PRKG1: variants seen among roughly 807,000 people sequenced by gnomAD.
PRKG1 encodes the protein cGMP-dependent protein kinase 1.
A neutral mutation model predicts 88.1 loss-of-function variants in PRKG1; 35 were observed. The ratio of observed to expected loss-of-function variants is 0.40; its 90% confidence interval spans 0.30 to 0.53. The LOEUF is 0.53. Among genes scored for constraint, PRKG1 ranks in the 20% least tolerant of loss-of-function variants. The pLI is 0.59. For missense variants in PRKG1, 540 were observed against 839.8 expected, an observed-to-expected ratio of 0.64 and a Z score of 4.41; for synonymous variants, 303 against 292.5, an observed-to-expected ratio of 1.04 and a Z score of -0.37.
chr10:51,827,646 C>T (rs943951544), intron 4 of PRKG1, among the ~76,000 whole-genome samples: 6 of 152,082 alleles, frequency 3.9e-5, no homozygotes, highest in Admixed American at 2.6e-4. Flanking sequence ...TAAAAAGATA[C>T]ATCATGATGA....
chr10:52,073,792 C>A (rs149078248), intron 7 of PRKG1, among the ~76,000 whole-genome samples: 115 of 152,216 alleles, frequency 7.6e-4, no homozygotes, highest in African/African-American at 2.5e-3. Context: ...GAACTCATTA[C>A]AGGATTAATG....
chr10:51,327,065 A>G (rs572554381), intron 2 of PRKG1, among the ~76,000 whole-genome samples: 2 of 152,330 alleles, frequency 1.3e-5, no homozygotes, highest in South Asian at 4.1e-4. Context: ...GAACCTAAAA[A>G]ATATATAACC....
chr10:52,075,045 A>T (rs1846594524), intron 7 of PRKG1, among the ~76,000 whole-genome samples: 1 of 152,356 alleles, frequency 6.6e-6, no homozygotes, highest in South Asian at 2.1e-4. Context: ...TATTTCAGTA[A>T]TATTTAAAGG....
intron 3 of PRKG1, among the ~76,000 whole-genome samples, chr10:51,577,638 T>G (rs1410965319): frequency 6.6e-6 from 1 of 152,032 alleles, no homozygotes; most frequent in African/African-American, 2.4e-5. Context: ...ATCAGGTTTA[T>G]AAAATAAATA....
chr10:51,863,703 C>G (rs558233260), intron 4 of PRKG1, among the ~76,000 whole-genome samples: 5 of 152,292 alleles, frequency 3.3e-5, no homozygotes, highest in African/African-American at 1.2e-4. Context: ...AAGGCCCTCA[C>G]TAAATTTGGC....
At chr10:51,502,793 G>A (rs748513202) in intron 3 of PRKG1, among the ~76,000 whole-genome samples, 22 of 152,246 alleles carry the variant, frequency 1.4e-4, no homozygotes, top group Admixed American at 7.2e-4. Flanking sequence ...AGAGGTCAGC[G>A]TTGAATTATG....
chr10:51,025,536 TCTC>T (rs1843193420), intron 1 of PRKG1, among the ~76,000 whole-genome samples: 1 of 152,122 alleles, frequency 6.6e-6, no homozygotes, highest in Admixed American at 6.6e-5. Context: ...CAGGCACATT[TCTC>T]CTCCCATTGG....
Position 52,205,730 on chromosome 10 carries a change from A to G in PRKG1, c.1076+43767A>G, listed in dbSNP as rs150728960. On this transcript the variant is annotated intron_variant, in intron 9 of 17. Transcript: ENST00000373980. ...GAATTTCTTTTCTTTAAGAATGTTT[A>G]CTATAGGTAACCAGTGTCTTCTGAA... Among the ~76,000 whole-genome samples, 178 of 152,304 alleles carry G rather than the reference A, an allele frequency of 1.2e-3. 2 individuals carry two copies. The highest frequency in any genetic ancestry group is 4.2e-3 in the African/African-American group (175 of 41,570).
chr10:51,269,818 CT>C (rs1839930728), intron 2 of PRKG1, among the ~76,000 whole-genome samples: 1 of 152,134 alleles, frequency 6.6e-6, no homozygotes, highest in African/African-American at 2.4e-5. Context: ...CACTAATGAA[CT>C]TATCCATGTA....
intron 2 of PRKG1, among the ~76,000 whole-genome samples, chr10:51,344,955 A>G (rs1484691135): frequency 6.6e-6 from 1 of 152,204 alleles, no homozygotes; most frequent in Non-Finnish European, 1.5e-5. Context: ...GTAAATGTAT[A>G]TATACATACA....
intron 2 of PRKG1, among the ~76,000 whole-genome samples, chr10:51,353,920 T>A (rs1226402710): frequency 2.0e-5 from 3 of 152,004 alleles, no homozygotes; most frequent in African/African-American, 7.3e-5. Flanking sequence ...AAAGACAATG[T>A]GATATCTATA....
chr10:51,151,727 G>T (rs1846077571), intron 1 of PRKG1, among the ~76,000 whole-genome samples: 1 of 151,776 alleles, frequency 6.6e-6, no homozygotes, highest in Non-Finnish European at 1.5e-5. Flanking sequence ...TCCACTCTAG[G>T]ATTATTCTTC....
intron 5 of PRKG1, among the ~76,000 whole-genome samples, chr10:51,921,524 T>G (rs539276059): frequency 8.4e-4 from 128 of 152,234 alleles, no homozygotes; most frequent in African/African-American, 3.0e-3. Flanking sequence ...TTTCTCACTG[T>G]TAAGTATGTT....
At chr10:51,067,481 TA>T (rs1265025779) in intron 1 of PRKG1, among the ~76,000 whole-genome samples, 2 of 152,060 alleles carry the variant, frequency 1.3e-5, no homozygotes, top group Non-Finnish European at 2.9e-5. Context: ...CTAAGTTCTC[TA>T]TGTTCCTAAC....
Position 51,236,726 on chromosome 10 carries a change from G to A in PRKG1, c.478+83396G>A, listed in dbSNP as rs544828275. Among the ~76,000 whole-genome samples the A allele has an allele frequency of 4.6e-5, 7 of 152,014 alleles. No homozygotes were observed. In the East Asian group the frequency reaches 5.8e-4, roughly 13 times the overall value. On this transcript the variant is annotated intron_variant, in intron 2 of 17. Transcript: ENST00000373980. The stretch of plus-strand genomic sequence containing the variant: ...TCACCATATTGACCAGGCTGGTCTC[G>A]AACTCCTGACCTCATGATCCACCCA...
intron 7 of PRKG1, among the ~76,000 whole-genome samples, chr10:52,101,664 T>C (rs1847296587): frequency 6.6e-6 from 1 of 152,192 alleles, no homozygotes; most frequent in South Asian, 2.1e-4. Flanking sequence ...AGGTAGATGG[T>C]TATTTTATCA....
intron 5 of PRKG1, among the ~76,000 whole-genome samples, chr10:51,949,824 A>G (rs1021233775): frequency 6.6e-6 from 1 of 152,230 alleles, no homozygotes; most frequent in Non-Finnish European, 1.5e-5. Flanking sequence ...TCATCATGTC[A>G]GAGGGTGTCT....
chr10:52,091,498 C>T (rs1847055176), intron 7 of PRKG1, among the ~76,000 whole-genome samples: 1 of 152,154 alleles, frequency 6.6e-6, no homozygotes, highest in Non-Finnish European at 1.5e-5. Flanking sequence ...GAAATTCTGC[C>T]TACCACAATA....
At chr10:51,825,251 C>T (rs746616287) in intron 4 of PRKG1, among the ~76,000 whole-genome samples, 68 of 152,170 alleles carry the variant, frequency 4.5e-4, no homozygotes, top group Non-Finnish European at 9.3e-4. Context: ...TAATAGAGAC[C>T]AACTAAGTAT....
Sources: allele counts gnomAD v4.1 joint callset (sites outside exome capture counted in the v4.1 genomes callset), GRCh38; gene constraint gnomAD v4.1.1; transcripts MANE v1.5; gene names NCBI Gene and HGNC (gene_info 2026-07-23, HGNC 2026-07-21).